Variants in SLC35F3 observed in about 807,000 individuals in gnomAD.
The protein encoded by SLC35F3 is solute carrier family 35 member F3, also known as putative thiamine transporter SLC35F3.
Under a neutral mutation model 49.9 loss-of-function variants are expected in SLC35F3, and 25 were observed. The ratio of observed to expected loss-of-function variants is 0.50; its 90% CI spans 0.37 to 0.70. The LOEUF (loss-of-function observed/expected upper bound fraction) is 0.70. Ranked by LOEUF, SLC35F3 falls within the 30% of genes least tolerant of loss-of-function variation. The probability of loss-of-function intolerance (pLI) is 0.00; values close to 1 mark genes in which losing one functional copy is unlikely to be tolerated. For synonymous variants in SLC35F3, 275 were observed against 265.4 expected (o/e 1.04, Z -0.35); for missense variants, 525 against 639.8 (o/e 0.82, Z 1.94).
At chr1:233,978,110 G>T (rs1386565655) in intron 2 of SLC35F3, among the ~76,000 whole-genome samples, 1 of 152,188 alleles carries the variant, frequency 6.6e-6, no homozygotes, top group African/African-American at 2.4e-5. Flanking sequence ...GAAGTTGATT[G>T]AGGTTGCTGG....
intron 2 of SLC35F3, among the ~76,000 whole-genome samples, chr1:233,913,525 T>A (rs916280422): frequency 3.3e-5 from 5 of 152,318 alleles, no homozygotes; most frequent in Admixed American, 2.6e-4. Flanking sequence ...TTATTGTGTC[T>A]CCACCCCTCA....
chr1:234,264,878 C>G lies in SLC35F3; in HGVS notation c.608+33137C>G, dbSNP rs186461928. ...AGTATTCCTTTTACCTAAGCTAACA[C>G]TTGAACCCTCCTTATTGTTTACCTG... On this transcript the variant is annotated intron_variant, in intron 3 of 7. Coordinates refer to ENST00000366618, the MANE Select transcript of SLC35F3 (RefSeq NM_173508.4). Among the ~76,000 whole-genome samples the G allele has an allele frequency of 3.9e-3, 594 of 152,310 alleles. 5 individuals are homozygous for G. Among genetic ancestry groups the G allele is most frequent in the African/African-American group, 0.013 (556 of 41,556 alleles).
intron 2 of SLC35F3, among the ~76,000 whole-genome samples, chr1:234,025,227 C>CA (rs1371308533): frequency 2.6e-5 from 4 of 152,234 alleles, no homozygotes; most frequent in Non-Finnish European, 5.9e-5. Flanking sequence ...CACTGATGGG[C>CA]ATCTAGGTTG....
chr1:234,231,437 TC>T lies in SLC35F3; in HGVS notation c.308del (p.Pro103ArgfsTer56). 6.3e-7 allele frequency: 1 copy of T among 1,587,110 alleles called. No homozygotes were observed. On this transcript the variant is annotated frameshift_variant, in exon 3 of 8. Transcript: ENST00000366618. LOFTEE classifies it high-confidence loss of function. The surrounding 1 kb of genome is among the most constrained non-coding windows in gnomAD (Gnocchi z 5.4). ...SCKREERPRD[S>X]PGPAEAQAPA... ...CCCAGGGGAGGAGCGCCCCCGGGAC[TC>T]CCCGGGCCCGGCGGAGGCCCAGGCA...
intron 2 of SLC35F3, among the ~76,000 whole-genome samples, chr1:233,990,517 C>G (rs143501502): frequency 2.2e-4 from 33 of 152,242 alleles, no homozygotes; most frequent in African/African-American, 7.0e-4. Flanking sequence ...GTTGTAAAAT[C>G]AGTAACTTCT....
At chr1:233,961,155 C>T (rs1173807473) in intron 2 of SLC35F3, among the ~76,000 whole-genome samples, 2 of 152,082 alleles carry the variant, frequency 1.3e-5, no homozygotes, top group Non-Finnish European at 2.9e-5. Context: ...TTTGCCTTAG[C>T]GATGGATGAA....
At chr1:234,071,789 A>G (rs1395668517) in intron 2 of SLC35F3, among the ~76,000 whole-genome samples, 1 of 152,208 alleles carries the variant, frequency 6.6e-6, no homozygotes, top group Non-Finnish European at 1.5e-5. Context: ...TCCTATTGGC[A>G]TGCCTCGTTA....
intron 3 of SLC35F3, among the ~76,000 whole-genome samples, chr1:234,303,544 C>T (rs567925023): frequency 4.3e-4 from 66 of 152,298 alleles, no homozygotes; most frequent in African/African-American, 1.4e-3. Context: ...TGGGAGACAC[C>T]GCTGTTGAGG....
At chr1:234,173,058 CCAAA>C (rs1195508296) in intron 2 of SLC35F3, among the ~76,000 whole-genome samples, 3 of 152,142 alleles carry the variant, frequency 2.0e-5, no homozygotes, top group Admixed American at 2.0e-4. Flanking sequence ...TCAGATTTCA[CCAAA>C]CAATCATTTT....
chr1:233,959,040 G>A (rs1662750769), intron 2 of SLC35F3, among the ~76,000 whole-genome samples: 1 of 152,188 alleles, frequency 6.6e-6, no homozygotes, highest in Non-Finnish European at 1.5e-5. Flanking sequence ...GAAGAAGAAA[G>A]GTTAAGGGTC....
At chr1:234,316,568 C>T (rs1657493709) in intron 4 of SLC35F3, 34 bp from the exon 5 acceptor site, 2 of 1,585,658 alleles carry the variant, frequency 1.3e-6, no homozygotes, top group African/African-American at 2.7e-5. Flanking sequence ...TCCGTCCCGA[C>T]TTCCCTGACC....
At chr1:234,079,290 G>T (rs2102871876) in intron 2 of SLC35F3, among the ~76,000 whole-genome samples, 1 of 152,114 alleles carries the variant, frequency 6.6e-6, no homozygotes, top group East Asian at 1.9e-4. Flanking sequence ...GAGATTAGGG[G>T]TCTAACTTCA....
chr1:234,313,724 G>A (rs1657415279), intron 4 of SLC35F3, among the ~76,000 whole-genome samples: 1 of 152,152 alleles, frequency 6.6e-6, no homozygotes, highest in South Asian at 2.1e-4. Context: ...GGGAGAAGAT[G>A]TACATGGAGC....
intron 2 of SLC35F3, among the ~76,000 whole-genome samples, chr1:233,986,830 G>T (rs1470613509): frequency 6.6e-6 from 1 of 152,104 alleles, no homozygotes; most frequent in Non-Finnish European, 1.5e-5. Flanking sequence ...CTGCAACATG[G>T]ATTGATTACG....
intron 4 of SLC35F3, among the ~76,000 whole-genome samples, chr1:234,312,513 G>C (rs1393241250): frequency 2.0e-5 from 3 of 152,296 alleles, no homozygotes; most frequent in Non-Finnish European, 2.9e-5. Flanking sequence ...ACTCCCTGCT[G>C]TGTGGGGGGC....
At position 233,957,755 on chromosome 1, in the gene SLC35F3, C is replaced by T. The variant is rs1662729641; in HGVS notation, c.283+51997C>T. Among the ~76,000 whole-genome samples, 1 of 151,970 alleles carries T rather than the reference C, an allele frequency of 6.6e-6. No homozygotes were observed. Among genetic ancestry groups the T allele is most frequent in the Admixed American group, 6.6e-5 (1 of 15,256 alleles). On this transcript the variant is annotated intron_variant, in intron 2 of 7. Coordinates refer to ENST00000366618, the MANE Select transcript of SLC35F3 (RefSeq NM_173508.4). The surrounding 1 kb of genome is among the most constrained non-coding windows in gnomAD (Gnocchi z 4.0). ...ACTTGAACCCAAGAGGATGAGGTTG[C>T]ATTGAGCCGAGACTGCATGATTGCA... is the stretch of plus-strand genomic sequence containing the variant.
At chr1:234,000,455 A>G (rs989329767) in intron 2 of SLC35F3, among the ~76,000 whole-genome samples, 7 of 152,220 alleles carry the variant, frequency 4.6e-5, no homozygotes, top group African/African-American at 1.7e-4. Context: ...TATGTATTGG[A>G]CATCTTAATG....
At chr1:233,906,067 A>T (rs1661771573) in intron 2 of SLC35F3, among the ~76,000 whole-genome samples, 1 of 152,222 alleles carries the variant, frequency 6.6e-6, no homozygotes, top group South Asian at 2.1e-4. Context: ...ACAGATCAGA[A>T]ACTCAAAGTA....
chr1:234,075,325 C>T (rs777186426), intron 2 of SLC35F3, among the ~76,000 whole-genome samples: 1 of 152,180 alleles, frequency 6.6e-6, no homozygotes, highest in Non-Finnish European at 1.5e-5. Flanking sequence ...GCATGCCAAG[C>T]CCTTCACCTC....
Sources: allele counts gnomAD v4.1 joint callset (sites outside exome capture counted in the v4.1 genomes callset), GRCh38; gene constraint gnomAD v4.1.1; non-coding constraint Gnocchi (gnomAD v3.1); transcripts MANE v1.5; gene names NCBI Gene and HGNC (gene_info 2026-07-23, HGNC 2026-07-21).